RNF216: variants seen among roughly 807,000 people sequenced by gnomAD.
RNF216 encodes E3 ubiquitin-protein ligase RNF216.
In RNF216, 72 loss-of-function variants were observed where a neutral mutation model predicts 110.8. The observed-to-expected ratio is 0.65, with a 90% CI of 0.54 to 0.79. RNF216 has a LOEUF of 0.79. RNF216 is among the 30% of genes least tolerant of loss of function. The pLI is 0.00. For missense variants in RNF216, 1,342 were observed against 1,141.2 expected (o/e 1.18, Z -2.54); for synonymous variants, 495 against 407.5 (o/e 1.21, Z -2.59).
chr7:5,665,069 AT>A (rs1421566316), intron 13 of RNF216, among the ~76,000 whole-genome samples: 1 of 152,190 alleles, frequency 6.6e-6, no homozygotes, highest in Non-Finnish European at 1.5e-5. Context: ...AAGTGCTGCG[AT>A]TACAGGCACG....
In RNF216 at chr7:5,622,605, C is replaced by T; in HGVS notation, c.*255G>A. 2.0e-6 allele frequency: 1 copy of T among 489,032 alleles called. No individual in the cohort carries two copies. Among genetic ancestry groups the T allele is most frequent in the South Asian group, 3.4e-5 (1 of 28,990 alleles). 30.3% of individuals were successfully genotyped at this position (489,032 alleles called of 1,614,324 possible). On this transcript the variant is annotated 3_prime_UTR_variant, in exon 17 of 17. Transcript: ENST00000389902. ...AAGGCAGAAGGACTGCCGTTGGTGG[C>T]CTGGGGGATGCGAGGGGAGGGGCAG... is the stretch of plus-strand genomic sequence containing the variant.
intron 2 of RNF216, among the ~76,000 whole-genome samples, chr7:5,754,555 T>C (rs970704564): frequency 6.6e-6 from 1 of 152,016 alleles, no homozygotes; most frequent in African/African-American, 2.4e-5. Context: ...TCTGAAGAGA[T>C]ACTGAGCAAA....
In RNF216 at chr7:5,754,965, C is replaced by T. The variant is rs188726632; in HGVS notation, c.68-1986G>A. On this transcript the variant is annotated intron_variant, in intron 2 of 16. Coordinates refer to ENST00000389902, the MANE Select transcript of RNF216 (RefSeq NM_207111.4). ...ATCGCTTTAACCTGGGAGATGGAGGCTGCAGTAAGCCAAGATCATGCCACT... is the reference window on the plus strand; with the variant it reads ...ATCGCTTTAACCTGGGAGATGGAGGTTGCAGTAAGCCAAGATCATGCCACT... Among the ~76,000 whole-genome samples, 1,164 of 148,708 alleles carry T rather than the reference C, an allele frequency of 7.8e-3. 9 individuals carry two copies. The highest frequency in any genetic ancestry group is 0.026 in the African/African-American group (1,070 of 40,644).
chr7:5,779,890 G>C (rs188717925), intron 1 of RNF216: 2 of 151,162 alleles, frequency 1.3e-5, no homozygotes, highest in East Asian at 1.9e-4. Context: ...AGGAGCTGAC[G>C]GGACATACTA....
At chr7:5,728,568 C>T (rs113910899) in intron 7 of RNF216, among the ~76,000 whole-genome samples, 9,896 of 149,812 alleles carry the variant, frequency 0.066, 1,094 homozygotes, top group African/African-American at 0.23. Flanking sequence ...AGTGAGACTC[C>T]GTCTCAAAAA....
At chr7:5,768,827 A>G (rs139552996) in intron 1 of RNF216, among the ~76,000 whole-genome samples, 1,591 of 150,190 alleles carry the variant, frequency 0.011, 27 homozygotes, top group African/African-American at 0.036. Context: ...ACGCCCGGCT[A>G]TTTTTTTGTA....
At chr7:5,716,662 G>C in intron 10 of RNF216, 54 bp downstream of exon 10, 1 of 1,410,718 alleles carries the variant, frequency 7.1e-7, no homozygotes, top group Admixed American at 2.0e-5. Flanking sequence ...AACATGGTAA[G>C]AGAAAACAGC....
rs182292875 is a variant in RNF216 at position 5,723,065 on chromosome 7, G to A, written c.1505-1893C>T. Among the ~76,000 whole-genome samples the A allele has an allele frequency of 1.4e-4, 22 of 152,258 alleles. No homozygotes were observed. The East Asian group carries it at 3.5e-3, about 24-fold the overall frequency. Reference sequence around the variant, plus strand: ...CCCAGCTGGGCTACTCGCTAGCTGTGTAACATCTGCCAAGTTACTTAACCT... The same window carrying A: ...CCCAGCTGGGCTACTCGCTAGCTGTATAACATCTGCCAAGTTACTTAACCT... On this transcript the variant is annotated intron_variant, in intron 8 of 16. Coordinates refer to ENST00000389902, the MANE Select transcript of RNF216 (RefSeq NM_207111.4).
chr7:5,734,447 G>A (rs1454506680), intron 5 of RNF216, among the ~76,000 whole-genome samples: 1 of 152,054 alleles, frequency 6.6e-6, no homozygotes, highest in Non-Finnish European at 1.5e-5. Flanking sequence ...CAAATGTTTG[G>A]TTTGTGATAA....
intron 2 of RNF216, among the ~76,000 whole-genome samples, chr7:5,757,181 AG>A (rs1325717742): frequency 9.9e-5 from 15 of 152,084 alleles, no homozygotes; most frequent in African/African-American, 3.6e-4. Context: ...TTGTTCTTTC[AG>A]TTACTGAAAC....
chr7:5,678,546 A>G (rs748463167), intron 13 of RNF216, among the ~76,000 whole-genome samples: 3 of 152,188 alleles, frequency 2.0e-5, no homozygotes, highest in East Asian at 1.9e-4. Context: ...GCTACTTACT[A>G]AAGTGACCTC....
At chr7:5,718,159 T>C (rs1383983455) in intron 9 of RNF216, among the ~76,000 whole-genome samples, 3 of 152,058 alleles carry the variant, frequency 2.0e-5, no homozygotes, top group Admixed American at 2.0e-4. Context: ...GGTGGGGGGA[T>C]TGCTTAAGGT....
chr7:5,733,781 C>T (rs1433329216), intron 5 of RNF216, among the ~76,000 whole-genome samples: 1 of 151,948 alleles, frequency 6.6e-6, no homozygotes, highest in Non-Finnish European at 1.5e-5. Context: ...AGAAATGTCA[C>T]TTATGCTACT....
At chr7:5,703,891 A>G (rs1290532649) in intron 13 of RNF216, among the ~76,000 whole-genome samples, 1 of 152,232 alleles carries the variant, frequency 6.6e-6, no homozygotes, top group Admixed American at 6.5e-5. Context: ...TGGCTGTGGC[A>G]AGGCAGAAAA....
At chr7:5,692,165 G>A (rs1791378145) in intron 13 of RNF216, among the ~76,000 whole-genome samples, 1 of 152,300 alleles carries the variant, frequency 6.6e-6, no homozygotes, top group South Asian at 2.1e-4. Flanking sequence ...CTTGGGAGCT[G>A]GAAGAGGGAA....
At chr7:5,666,441 GA>G (rs1562805718) in intron 13 of RNF216, among the ~76,000 whole-genome samples, 1 of 152,170 alleles carries the variant, frequency 6.6e-6, no homozygotes, top group African/African-American at 2.4e-5. Flanking sequence ...CTATCTGGGG[GA>G]AAGAATTCCA....
intron 15 of RNF216, among the ~76,000 whole-genome samples, chr7:5,630,823 G>A (rs1279189035): frequency 2.6e-5 from 4 of 152,202 alleles, no homozygotes; most frequent in Admixed American, 6.5e-5. Flanking sequence ...CCCTGAGTCA[G>A]GCACTATGAA....
chr7:5,725,095 C>A (rs148204874), intron 8 of RNF216, among the ~76,000 whole-genome samples: 1 of 152,164 alleles, frequency 6.6e-6, no homozygotes, highest in Non-Finnish European at 1.5e-5. Context: ...TAACACCACA[C>A]AAAATTTTCC....
Position 5,721,081 on chromosome 7 carries a change from C to T in RNF216, c.1596G>A (p.Val532=). ...SYDRRALLPA[V]QQEQEFYEQK... is the part of the protein sequence containing the mutation. ...GCTCATAGAACTCCTGCTCTTGTTG[C>T]ACAGCTGGAAGGAGAGCACGTCGGT... Residue 532 remains valine (V), a synonymous_variant, in exon 9 of 17, where the codon GTG becomes GTA. Transcript: ENST00000389902. The T allele has an allele frequency of 6.2e-7, 1 of 1,614,174 alleles. No individual in the cohort carries two copies. The highest frequency in any genetic ancestry group is 1.1e-5 in the South Asian group (1 of 91,088).
Sources: allele counts gnomAD v4.1 joint callset (sites outside exome capture counted in the v4.1 genomes callset), GRCh38; gene constraint gnomAD v4.1.1; transcripts MANE v1.5; gene names NCBI Gene and HGNC (gene_info 2026-07-23, HGNC 2026-07-21).